Variants in CIB4 observed in about 807,000 individuals in gnomAD.
CIB4 encodes the protein calcium and integrin-binding family member 4.
A neutral mutation model predicts 25.8 loss-of-function variants in CIB4; 25 were observed. The ratio of observed to expected loss-of-function variants is 0.97; its 90% CI spans 0.71 to 1.35. CIB4 has a LOEUF of 1.35. Among genes scored for constraint, CIB4 ranks in the 40% most tolerant of loss-of-function variants. CIB4 has a pLI of 0.00. For synonymous variants in CIB4, 75 were observed against 81.4 expected (o/e 0.92, Z 0.42); for missense variants, 235 against 228.2 (o/e 1.03, Z -0.19).
intron 3 of CIB4, among the ~76,000 whole-genome samples, chr2:26,611,723 C>G (rs974326061): frequency 1.3e-5 from 2 of 151,670 alleles, no homozygotes; most frequent in Non-Finnish European, 2.9e-5. Context: ...ATAAATAAAC[C>G]CCTGGAAAGA....
chr2:26,633,690 T>C (rs889034322), intron 2 of CIB4, among the ~76,000 whole-genome samples: 2 of 152,190 alleles, frequency 1.3e-5, no homozygotes, highest in African/African-American at 4.8e-5. Flanking sequence ...TAATCACTAA[T>C]GGACTCAAAA....
intron 4 of CIB4, among the ~76,000 whole-genome samples, chr2:26,592,781 T>C (rs1304859746): frequency 6.6e-6 from 1 of 152,250 alleles, no homozygotes; most frequent in Admixed American, 6.5e-5. Context: ...TATTTTTCAG[T>C]TCTATATTTT....
chr2:26,629,893 T>C (rs765696365), intron 2 of CIB4, among the ~76,000 whole-genome samples: 1 of 152,138 alleles, frequency 6.6e-6, no homozygotes, highest in Non-Finnish European at 1.5e-5. Context: ...CAGTAGGACC[T>C]TGGGGAAGCC....
chr2:26,616,819 G>T (rs1278241393), intron 3 of CIB4, among the ~76,000 whole-genome samples: 3 of 152,230 alleles, frequency 2.0e-5, no homozygotes, highest in Non-Finnish European at 2.9e-5. Flanking sequence ...CACCTGCATG[G>T]TGACTTTGAC....
At chr2:26,587,292 A>G in intron 4 of CIB4, among the ~76,000 whole-genome samples, 1 of 102,248 alleles carries the variant, frequency 9.8e-6, no homozygotes, top group South Asian at 4.0e-4. Context: ...GCGACAGAGC[A>G]AGACTCCGTC....
Position 26,629,431 on chromosome 2 carries a change from G to A in CIB4, c.165C>T (p.Val55=). 1 of 1,580,618 alleles carries A rather than the reference G, an allele frequency of 6.3e-7. No individual in the cohort carries two copies. The highest frequency in any genetic ancestry group is 1.8e-5 in the Admixed American group (1 of 54,610). The change falls in exon 3 of 7, where the codon GTC becomes GTT. Residue 55 remains valine (V), a synonymous_variant. Coordinates refer to ENST00000288861, the MANE Select transcript of CIB4 (RefSeq NM_001029881.3). ...TCACCCGCAGAGCTGGCAGGGAGCT[G>A]ACCTGGTCCATGGTGAGCGTTGCCT... The part of the protein sequence containing the change: ...YKEATLTMDQ[V]SSLPALRVNP...
At position 26,610,393 on chromosome 2, in the gene CIB4, G is replaced by A. The variant is rs189618067; in HGVS notation, c.187-15076C>T. Among the ~76,000 whole-genome samples, 921 of 152,122 alleles carry A rather than the reference G, an allele frequency of 6.1e-3. 4 individuals carry two copies. Among genetic ancestry groups the A allele is most frequent in the African/African-American group, 0.021 (892 of 41,508 alleles). ...TCCCCCTGCCCACCCACTGCCCCAC[G>A]CTCAGTGACTCTTTAAACAACGGAG... On this transcript the variant is annotated intron_variant, in intron 3 of 6. Coordinates refer to ENST00000288861, the MANE Select transcript of CIB4 (RefSeq NM_001029881.3).
intron 3 of CIB4, among the ~76,000 whole-genome samples, chr2:26,613,531 C>T (rs1669035864): frequency 6.6e-6 from 1 of 152,210 alleles, no homozygotes; most frequent in South Asian, 2.1e-4. Context: ...ATCCCCCTCC[C>T]TTTCCTGGAG....
chr2:26,633,422 G>A (rs1314792341), intron 2 of CIB4, among the ~76,000 whole-genome samples: 2 of 152,138 alleles, frequency 1.3e-5, no homozygotes, highest in Non-Finnish European at 2.9e-5. Flanking sequence ...GTGGAGGGCT[G>A]AACCCTAAAC....
chr2:26,605,242 T>A (rs977514743), intron 3 of CIB4, among the ~76,000 whole-genome samples: 1 of 152,288 alleles, frequency 6.6e-6, no homozygotes, highest in Middle Eastern at 3.4e-3. Context: ...AATGTATACA[T>A]GGAAATTAAT....
At chr2:26,590,169 G>A (rs1454872970) in intron 4 of CIB4, among the ~76,000 whole-genome samples, 1 of 145,516 alleles carries the variant, frequency 6.9e-6, no homozygotes, top group Non-Finnish European at 1.5e-5. Context: ...GCTCATTCGA[G>A]CCATCCAGGG....
At chr2:26,595,897 G>GCA (rs61283412) in intron 3 of CIB4, among the ~76,000 whole-genome samples, 549 of 32,128 alleles carry the variant, frequency 0.017, 3 homozygotes, top group African/African-American at 0.026. Flanking sequence ...TTATCTGCGC[G>GCA]CACACACACA....
At chr2:26,587,304 CAAAAAAAAAA>C (rs71399396) in intron 4 of CIB4, among the ~76,000 whole-genome samples, 8 of 61,470 alleles carry the variant, frequency 1.3e-4, no homozygotes, top group South Asian at 9.8e-4. Flanking sequence ...GACTCCGTCT[CAAAAAAAAAA>C]AAAAAAAAAA....
Position 26,602,760 on chromosome 2 carries a change from G to A in CIB4, c.187-7443C>T, listed in dbSNP as rs183352499. Among the ~76,000 whole-genome samples the A allele has an allele frequency of 4.6e-5, 7 of 152,260 alleles. No individual in the cohort carries two copies. In the East Asian group the frequency reaches 9.6e-4, roughly 21 times the overall value. ...GATGTCAGGTATCCCCTGGTATGAT[G>A]CAATGAGAAGGGCGGTTCAGGCCAG... On this transcript the variant is annotated intron_variant, in intron 3 of 6. Transcript: ENST00000288861.
Position 26,629,359 on chromosome 2 carries a change from C to G in CIB4, c.186+51G>C, listed in dbSNP as rs1163902095. The G allele has an allele frequency of 3.1e-6, 3 of 977,428 alleles. No individual in the cohort carries two copies. The East Asian group carries it at 8.3e-5, about 27-fold the overall frequency. 60.5% of individuals were successfully genotyped at this position (977,428 alleles called of 1,614,324 possible). On this transcript the variant is annotated intron_variant, in intron 3 of 6. Transcript: ENST00000288861. The stretch of plus-strand genomic sequence containing the variant: ...CCCCTCCCAGCACCCATCAGCCCAT[C>G]AGCAGGTCCCACTGATGCTGCCCTT...
At chr2:26,625,206 C>T (rs372991789) in intron 3 of CIB4, among the ~76,000 whole-genome samples, 17 of 152,142 alleles carry the variant, frequency 1.1e-4, no homozygotes, top group African/African-American at 3.4e-4. Context: ...CTAGAACACC[C>T]GTCAGTGACA....
chr2:26,623,036 T>A (rs186358922), intron 3 of CIB4, among the ~76,000 whole-genome samples: 1,780 of 151,430 alleles, frequency 0.012, 28 homozygotes, highest in African/African-American at 0.039. Context: ...CTAAAAAAAA[T>A]TTTTTTTAAT....
intron 3 of CIB4, among the ~76,000 whole-genome samples, chr2:26,597,977 G>C (rs922599502): frequency 6.6e-6 from 1 of 151,586 alleles, no homozygotes; most frequent in African/African-American, 2.4e-5. Context: ...CCTTGGAAAT[G>C]GATCCCTCTA....
intron 3 of CIB4, among the ~76,000 whole-genome samples, chr2:26,609,235 G>A (rs1668950869): frequency 6.6e-6 from 1 of 152,224 alleles, no homozygotes; most frequent in Non-Finnish European, 1.5e-5. Context: ...GTGGAGGCAG[G>A]AGCTGGTGCC....
Sources: gnomAD v4.1 joint callset for allele counts (sites outside exome capture counted in the v4.1 genomes callset) on GRCh38, gnomAD v4.1.1 for gene constraint, MANE v1.5 for transcripts, NCBI Gene and HGNC (gene_info 2026-07-23, HGNC 2026-07-21) for gene names.